Variants in ZNF827 observed in about 807,000 individuals in gnomAD.
ZNF827 encodes the protein zinc finger protein 827.
A neutral mutation model predicts 102.4 loss-of-function variants in ZNF827; 13 were observed. The observed-to-expected ratio is 0.13, with a 90% CI of 0.08 to 0.20. The LOEUF (loss-of-function observed/expected upper bound fraction) is 0.20. Ranked by LOEUF, ZNF827 falls within the 10% of genes least tolerant of loss-of-function variation. The pLI is 1.00. For missense variants in ZNF827, 1,103 were observed against 1,344.4 expected (o/e 0.82, Z 2.81); for synonymous variants, 523 against 536.2 (o/e 0.98, Z 0.34).
chr4:145,789,483 A>G (rs1739367736), intron 8 of ZNF827, among the ~76,000 whole-genome samples: 1 of 152,212 alleles, frequency 6.6e-6, no homozygotes, highest in African/African-American at 2.4e-5. Context: ...TGCATTTTAC[A>G]CACATATTTA....
chr4:145,806,703 G>C (rs1216870044), intron 8 of ZNF827, among the ~76,000 whole-genome samples: 1 of 151,890 alleles, frequency 6.6e-6, no homozygotes, highest in Non-Finnish European at 1.5e-5. Context: ...AAATTAAACA[G>C]ATATAACAGA....
chr4:145,800,831 G>A lies in ZNF827; in HGVS notation c.2384-21320C>T, dbSNP rs187879254. Among the ~76,000 whole-genome samples, 304 of 152,286 alleles carry A rather than the reference G, an allele frequency of 2.0e-3. 1 individual carries two copies. Among genetic ancestry groups the A allele is most frequent in the African/African-American group, 7.0e-3 (289 of 41,568 alleles). ...GACACTGCCAAATGTCCCCTTGGGGGCAAAATACCTCCCAGTTGAGAACCA... is the reference window on the plus strand; with the variant it reads ...GACACTGCCAAATGTCCCCTTGGGGACAAAATACCTCCCAGTTGAGAACCA... On this transcript the variant is annotated intron_variant, in intron 8 of 14. Coordinates refer to ENST00000508784, the MANE Select transcript of ZNF827 (RefSeq NM_001306215.2).
chr4:145,869,580 A>G (rs1007413274), intron 5 of ZNF827, among the ~76,000 whole-genome samples: 1 of 152,182 alleles, frequency 6.6e-6, no homozygotes, highest in East Asian at 1.9e-4. Flanking sequence ...TACCTGTTTC[A>G]GAGAGGACAG....
chr4:145,900,614 T>C (rs1751336562), intron 2 of ZNF827, among the ~76,000 whole-genome samples: 1 of 152,062 alleles, frequency 6.6e-6, no homozygotes, highest in African/African-American at 2.4e-5. Context: ...TTCACCATAT[T>C]GGTCAGGATG....
intron 4 of ZNF827, among the ~76,000 whole-genome samples, chr4:145,873,443 A>T (rs939149364): frequency 6.6e-6 from 1 of 152,228 alleles, no homozygotes; most frequent in Non-Finnish European, 1.5e-5. Flanking sequence ...CTTTCCCTGG[A>T]TTTAATAATT....
intron 9 of ZNF827, 62 bp downstream of exon 9, chr4:145,779,312 G>A (rs550075540): frequency 2.5e-5 from 39 of 1,558,446 alleles, no homozygotes; most frequent in Non-Finnish European, 3.1e-5. Flanking sequence ...CTCAGTTTCC[G>A]GAGAGTAAAG....
At chr4:145,887,001 G>A (rs1169798402) in intron 3 of ZNF827, among the ~76,000 whole-genome samples, 1 of 152,266 alleles carries the variant, frequency 6.6e-6, no homozygotes, top group Non-Finnish European at 1.5e-5. Context: ...GCCAGGCTTT[G>A]AGCTGGCAGG....
At chr4:145,795,121 G>T (rs1023403694) in intron 8 of ZNF827, among the ~76,000 whole-genome samples, 1 of 152,114 alleles carries the variant, frequency 6.6e-6, no homozygotes. Flanking sequence ...CAAGTCAGGG[G>T]CAAGATGTTA....
intron 3 of ZNF827, among the ~76,000 whole-genome samples, chr4:145,890,559 T>C (rs1005159775): frequency 5.9e-5 from 9 of 152,186 alleles, no homozygotes; most frequent in African/African-American, 1.9e-4. Context: ...AAACCAAGCT[T>C]ACAAGGTGTC....
chr4:145,888,557 T>C (rs1339462995), intron 3 of ZNF827, among the ~76,000 whole-genome samples: 2 of 152,178 alleles, frequency 1.3e-5, no homozygotes, highest in Admixed American at 6.5e-5. Context: ...ATTTCAGAGC[T>C]TGGGGAAATT....
chr4:145,894,896 T>G (rs962549936), intron 2 of ZNF827, among the ~76,000 whole-genome samples: 8 of 152,160 alleles, frequency 5.3e-5, no homozygotes, highest in African/African-American at 1.9e-4. Context: ...CCTGATATTT[T>G]GATCATGAAG....
intron 1 of ZNF827, among the ~76,000 whole-genome samples, chr4:145,911,464 A>C (rs1467512528): frequency 6.6e-6 from 1 of 152,240 alleles, no homozygotes; most frequent in Non-Finnish European, 1.5e-5. Flanking sequence ...GACTATCATT[A>C]TTACTGCTAT....
In ZNF827 at chr4:145,938,667, C is replaced by T; in HGVS notation, c.-260G>A. On this transcript the variant is annotated 5_prime_UTR_variant, in exon 1 of 15. Transcript: ENST00000508784. ...TTTTTGGTCGTGCACCTGGCTTGTC[C>T]CCGAGCGTAATATTCTTCAATGGAA... The T allele has an allele frequency of 1.9e-6, 1 of 513,268 alleles. No individual in the cohort carries two copies. The highest frequency in any genetic ancestry group is 2.5e-5 in the South Asian group (1 of 40,432). The allele number at this position is 513,268 out of a possible 1,614,324, so 31.8% of individuals were successfully genotyped here. A position where few individuals can be genotyped will look rare whatever the true frequency, so the allele number is the denominator to read the frequency against.
chr4:145,836,476 T>G (rs1490925593), intron 7 of ZNF827, among the ~76,000 whole-genome samples: 2 of 152,198 alleles, frequency 1.3e-5, no homozygotes, highest in African/African-American at 4.8e-5. Flanking sequence ...TTCTCATAAC[T>G]TCCAAAATGT....
At chr4:145,884,163 C>T (rs984849587) in intron 4 of ZNF827, among the ~76,000 whole-genome samples, 1 of 152,122 alleles carries the variant, frequency 6.6e-6, no homozygotes, top group African/African-American at 2.4e-5. Context: ...AGTTGGTGTG[C>T]TTCACTGTTA....
At chr4:145,831,620 C>T (rs934462598) in intron 7 of ZNF827, 2 of 152,120 alleles carry the variant, frequency 1.3e-5, no homozygotes, top group Admixed American at 1.3e-4. Flanking sequence ...TTGGCTGTGG[C>T]CAATGAAACA....
chr4:145,803,787 C>A (rs902133024), intron 8 of ZNF827, among the ~76,000 whole-genome samples: 1 of 152,172 alleles, frequency 6.6e-6, no homozygotes, highest in African/African-American at 2.4e-5. Context: ...CAACTTTATC[C>A]CAGTTCTCCA....
chr4:145,786,123 A>G (rs1047185744), intron 8 of ZNF827, among the ~76,000 whole-genome samples: 2 of 152,246 alleles, frequency 1.3e-5, no homozygotes, highest in Admixed American at 6.5e-5. Context: ...GTAAAATTAA[A>G]CAAACAAACA....
rs74667199 is a variant in ZNF827, at chr4:145,875,435, G to A, written c.1748-4957C>T. Among the ~76,000 whole-genome samples the A allele has an allele frequency of 1.8e-4, 28 of 152,210 alleles. No individual in the cohort carries two copies. In the East Asian group the frequency reaches 5.0e-3, roughly 27 times the overall value. On this transcript the variant is annotated intron_variant, in intron 4 of 14. Transcript: ENST00000508784. ...CAAGACACCCAGGTACCTTTAAAAGGGACACTATCCTCAGCAGGTGAACAA... is the reference window on the plus strand; with the variant it reads ...CAAGACACCCAGGTACCTTTAAAAGAGACACTATCCTCAGCAGGTGAACAA...
Sources: gnomAD v4.1 joint callset for allele counts (sites outside exome capture counted in the v4.1 genomes callset) on GRCh38, gnomAD v4.1.1 for gene constraint, MANE v1.5 for transcripts, NCBI Gene and HGNC (gene_info 2026-07-23, HGNC 2026-07-21) for gene names.